KCNN2: variants seen among roughly 807,000 people sequenced by gnomAD.
The protein encoded by KCNN2 is small conductance calcium-activated potassium channel protein 2.
KCNN2 carries 24 observed loss-of-function variants against 55.5 expected under a neutral mutation model. The ratio of observed to expected loss-of-function variants is 0.43; its 90% CI spans 0.31 to 0.61. The LOEUF is 0.61. Ranked by LOEUF, KCNN2 falls within the 20% of genes least tolerant of loss-of-function variation. KCNN2 has a pLI of 0.08. For synonymous variants in KCNN2, 431 were observed against 336.1 expected (o/e 1.28, Z -3.09); for missense variants, 754 against 853.6 (o/e 0.88, Z 1.45).
At chr5:114,355,349 A>T (rs1367678456) in intron 2 of KCNN2, among the ~76,000 whole-genome samples, 1 of 152,202 alleles carries the variant, frequency 6.6e-6, no homozygotes, top group Non-Finnish European at 1.5e-5. Flanking sequence ...CTAACACTGT[A>T]TGGAAGAAGA....
chr5:114,402,833 C>T (rs1270716793), intron 2 of KCNN2, among the ~76,000 whole-genome samples: 1 of 152,094 alleles, frequency 6.6e-6, no homozygotes, highest in Non-Finnish European at 1.5e-5. Flanking sequence ...TTTACCTGGA[C>T]AGGATCACCT....
intron 2 of KCNN2, among the ~76,000 whole-genome samples, chr5:114,296,289 G>C (rs1002934689): frequency 6.6e-5 from 10 of 152,182 alleles, no homozygotes; most frequent in Non-Finnish European, 8.8e-5. Context: ...CCTCCTGGTG[G>C]CATCTTGGGC....
At chr5:114,131,712 T>C (rs916562707) in intron 1 of KCNN2, among the ~76,000 whole-genome samples, 1 of 152,218 alleles carries the variant, frequency 6.6e-6, no homozygotes, top group African/African-American at 2.4e-5. Context: ...CATACTGTCT[T>C]CTACAATGGT....
intron 2 of KCNN2, among the ~76,000 whole-genome samples, chr5:114,322,200 A>G (rs1756627379): frequency 6.6e-6 from 1 of 152,224 alleles, no homozygotes. Flanking sequence ...CTACTGTAGT[A>G]AGTTCCTCAA....
chr5:114,367,745 C>G (rs1757643890), intron 2 of KCNN2, among the ~76,000 whole-genome samples: 1 of 152,000 alleles, frequency 6.6e-6, no homozygotes, highest in South Asian at 2.1e-4. Flanking sequence ...TTAAGATCTT[C>G]AGCATCTGAA....
chr5:114,092,254 G>A (rs918530062), intron 1 of KCNN2, among the ~76,000 whole-genome samples: 1 of 152,184 alleles, frequency 6.6e-6, no homozygotes, highest in Non-Finnish European at 1.5e-5. Flanking sequence ...ATCTGGCTGG[G>A]TAGTCATTAA....
chr5:114,424,761 C>T (rs1287087640), intron 3 of KCNN2, among the ~76,000 whole-genome samples: 1 of 152,100 alleles, frequency 6.6e-6, no homozygotes, highest in Non-Finnish European at 1.5e-5. Flanking sequence ...AGACAGAGGC[C>T]AGAGAGAAAG....
chr5:114,345,042 T>G (rs13181125), intron 2 of KCNN2, among the ~76,000 whole-genome samples: 17,870 of 152,210 alleles, frequency 0.12, 1,295 homozygotes, highest in South Asian at 0.21. Context: ...TTCAGCATTT[T>G]TTGTTCTGCA....
At chr5:114,469,737 C>G (rs1451154879) in intron 4 of KCNN2, among the ~76,000 whole-genome samples, 1 of 152,124 alleles carries the variant, frequency 6.6e-6, no homozygotes, top group Non-Finnish European at 1.5e-5. Context: ...TTACTATAAC[C>G]ATGAATATGT....
chr5:114,178,475 T>G (rs777739371), intron 1 of KCNN2, among the ~76,000 whole-genome samples: 2 of 152,190 alleles, frequency 1.3e-5, no homozygotes, highest in Non-Finnish European at 2.9e-5. Context: ...ACACACATTT[T>G]CAAAGCTGTT....
chr5:114,426,999 A>G (rs987584238), intron 3 of KCNN2, among the ~76,000 whole-genome samples: 5 of 152,324 alleles, frequency 3.3e-5, no homozygotes, highest in Middle Eastern at 3.4e-3. Context: ...AAGTTTGCTT[A>G]TTGTGGAATG....
intron 2 of KCNN2, among the ~76,000 whole-genome samples, chr5:114,239,257 A>G (rs1023496487): frequency 9.9e-5 from 15 of 152,166 alleles, no homozygotes; most frequent in African/African-American, 3.4e-4. Flanking sequence ...GTGATGTGGG[A>G]AATAACTGAC....
chr5:114,314,170 C>T (rs1756455573), intron 2 of KCNN2, among the ~76,000 whole-genome samples: 1 of 152,004 alleles, frequency 6.6e-6, no homozygotes, highest in Non-Finnish European at 1.5e-5. Context: ...AATTAATAGA[C>T]TTTATTTTTA....
intron 2 of KCNN2, among the ~76,000 whole-genome samples, chr5:114,375,371 T>G (rs1316292523): frequency 2.0e-5 from 3 of 152,306 alleles, no homozygotes; most frequent in Middle Eastern, 3.4e-3. Context: ...CTAATACTTT[T>G]AGGTAGGTAC....
At chr5:114,106,085 A>G (rs1751476275) in intron 1 of KCNN2, among the ~76,000 whole-genome samples, 1 of 151,964 alleles carries the variant, frequency 6.6e-6, no homozygotes, top group African/African-American at 2.4e-5. Flanking sequence ...AAAATTTTAA[A>G]TATTTTGGTA....
chr5:114,385,949 C>T (rs1441483173), intron 2 of KCNN2, among the ~76,000 whole-genome samples: 1 of 151,248 alleles, frequency 6.6e-6, no homozygotes, highest in African/African-American at 2.4e-5. Context: ...GAGGCCGAGG[C>T]GGGCGGATCG....
chr5:114,380,226 A>G (rs953535074), intron 2 of KCNN2, among the ~76,000 whole-genome samples: 3 of 152,118 alleles, frequency 2.0e-5, no homozygotes, highest in Admixed American at 6.6e-5. Flanking sequence ...TTCTGTGTCA[A>G]TTGTTGCCGT....
chr5:114,115,852 G>A (rs957902277), intron 1 of KCNN2, among the ~76,000 whole-genome samples: 3 of 151,976 alleles, frequency 2.0e-5, no homozygotes, highest in East Asian at 1.9e-4. Context: ...TACTCTTGGC[G>A]ATAACTCCTT....
intron 5 of KCNN2, among the ~76,000 whole-genome samples, chr5:114,476,436 T>A (rs1395935536): frequency 7.1e-6 from 1 of 140,166 alleles, no homozygotes; most frequent in African/African-American, 2.6e-5. Flanking sequence ...GACAGATCCA[T>A]TTTTTTTTTT....
Sources: gnomAD v4.1 joint callset for allele counts (sites outside exome capture counted in the v4.1 genomes callset) on GRCh38, gnomAD v4.1.1 for gene constraint, MANE v1.5 for transcripts, NCBI Gene and HGNC (gene_info 2026-07-23, HGNC 2026-07-21) for gene names.